Variants in PCDHGA12 observed in about 807,000 individuals in gnomAD.
PCDHGA12 encodes the protein protocadherin gamma-A12.
Under a neutral mutation model 61.1 loss-of-function variants are expected in PCDHGA12, and 43 were observed. That is an observed-to-expected ratio of 0.70 (90% confidence interval 0.55 to 0.91). The LOEUF is 0.91. Among genes scored for constraint, PCDHGA12 ranks in the 40% least tolerant of loss-of-function variants. PCDHGA12 has a pLI of 0.00. For synonymous variants in PCDHGA12, 520 were observed against 542.9 expected, an observed-to-expected ratio of 0.96 and a Z score of 0.59; for missense variants, 1,236 against 1,227.7, an observed-to-expected ratio of 1.01 and a Z score of -0.10.
Position 141,490,198 on chromosome 5 carries a change from G to A in PCDHGA12, c.2425-4609G>A. ...GGAGTCACGTTTCTATGAAATTCAT[G>A]CAAGAGCCCGTGACCAGGGACAGCC... On this transcript the variant is annotated intron_variant, in intron 1 of 3. Coordinates refer to ENST00000252085, the MANE Select transcript of PCDHGA12 (RefSeq NM_003735.3). The surrounding 1 kb of genome is among the most constrained non-coding windows in gnomAD (Gnocchi z 5.4). The A allele has an allele frequency of 6.2e-7, 1 of 1,614,208 alleles. No homozygotes were observed. Among genetic ancestry groups the A allele is most frequent in the Non-Finnish European group, 8.5e-7 (1 of 1,180,038 alleles).
At chr5:141,451,703 A>C (rs975120935) in intron 1 of PCDHGA12, among the ~76,000 whole-genome samples, 2 of 152,144 alleles carry the variant, frequency 1.3e-5, no homozygotes, top group Non-Finnish European at 2.9e-5. Context: ...GTAACATGAC[A>C]AAACCCTGCC....
chr5:141,478,911 T>TA, intron 1 of PCDHGA12: 1 of 871,162 alleles, frequency 1.1e-6, no homozygotes, highest in Non-Finnish European at 1.7e-6. Flanking sequence ...AGCTGCTGGA[T>TA]ACCTCTAACC....
intron 1 of PCDHGA12, among the ~76,000 whole-genome samples, chr5:141,459,575 G>T (rs2098970751): frequency 1.3e-5 from 2 of 152,132 alleles, no homozygotes; most frequent in Admixed American, 6.5e-5. Context: ...AAACAGAATT[G>T]TTTTGGGGGT....
intron 1 of PCDHGA12, chr5:141,492,005 C>A (rs1444993907): frequency 3.1e-6 from 2 of 642,268 alleles, no homozygotes; most frequent in African/African-American, 3.8e-5. Flanking sequence ...GGGCGATTTC[C>A]GCGGGTGTCG....
intron 1 of PCDHGA12, chr5:141,492,050 C>T (rs2099736541): frequency 4.0e-6 from 2 of 500,984 alleles, no homozygotes; most frequent in South Asian, 7.5e-5. Context: ...AGATCCACCC[C>T]TGCAGCCAGC....
chr5:141,486,722 G>C lies in PCDHGA12; in HGVS notation c.2425-8085G>C, dbSNP rs1235454839. The C allele has an allele frequency of 6.2e-7, 1 of 1,614,200 alleles. No homozygotes were observed. Among genetic ancestry groups the C allele is most frequent in the East Asian group, 2.2e-5 (1 of 44,874 alleles). ...CTCTCTGAACCCCCAGACAGGAGCT[G>C]TTCATGCTACTCGATCCTTTGACTA... On this transcript the variant is annotated intron_variant, in intron 1 of 3. Transcript: ENST00000252085. This position sits in a 1 kb window ranked among gnomAD's most constrained non-coding sequence, Gnocchi z 5.0.
rs756476818 is a variant in PCDHGA12 at position 141,431,027 on chromosome 5, A to G, written c.268A>G (p.Ile90Val). The G allele has an allele frequency of 6.2e-6, 10 of 1,614,034 alleles. No homozygotes were observed. The highest frequency in any genetic ancestry group is 1.1e-5 in the South Asian group (1 of 91,078). The change falls in exon 1 of 4, where the codon ATA (isoleucine) becomes GTA (valine). Residue 90 changes from isoleucine to valine, a missense_variant. By Grantham distance (29) the Ile-to-Val change is conservative. Coordinates refer to ENST00000252085, the MANE Select transcript of PCDHGA12 (RefSeq NM_003735.3). This position sits in a 1 kb window ranked among gnomAD's most constrained non-coding sequence, Gnocchi z 4.8. ...RSGSLVTAGRIDREELCMGAI... is the reference protein window; with the variant it reads ...RSGSLVTAGRVDREELCMGAI... ...CGGCAGCTTGGTCACGGCGGGCAGG[A>G]TAGACCGGGAGGAGCTCTGTATGGG...
At chr5:141,457,125 C>T (rs1011977795) in intron 1 of PCDHGA12, among the ~76,000 whole-genome samples, 3 of 152,236 alleles carry the variant, frequency 2.0e-5, no homozygotes, top group Admixed American at 6.5e-5. Flanking sequence ...GCAATGGAAA[C>T]TCTGTCCAAT....
chr5:141,500,182 A>ATTTT lies in PCDHGA12; in HGVS notation c.2484-5209_2484-5206dup, dbSNP rs1199992745. Among the ~76,000 whole-genome samples the ATTTT allele has an allele frequency of 1.7e-3, 223 of 131,716 alleles. 2 individuals are homozygous for ATTTT. Among genetic ancestry groups the ATTTT allele is most frequent in the African/African-American group, 6.2e-3 (201 of 32,350 alleles). The allele number at this position is 131,716 out of a possible 152,430, so 86.4% of individuals were successfully genotyped here. On this transcript the variant is annotated intron_variant, in intron 2 of 3. Transcript: ENST00000252085. ...AAGAACATGCATGAGCTTCATTTTT[A>ATTTT]TTTTTATTTATTTATTTATTTATTT...
rs1474849292 is a variant in PCDHGA12 at position 141,454,205 on chromosome 5, G to T, written c.2424+21022G>T. Among the ~76,000 whole-genome samples, 3 of 152,154 alleles carry T rather than the reference G, an allele frequency of 2.0e-5. No individual in the cohort carries two copies. The East Asian group carries it at 5.8e-4, about 29-fold the overall frequency. ...GGAGCTTAGTGAAGGTGAATTTATT[G>T]ACATGAATGAGAAAAGTAATTGTGA... On this transcript the variant is annotated intron_variant, in intron 1 of 3. Coordinates refer to ENST00000252085, the MANE Select transcript of PCDHGA12 (RefSeq NM_003735.3).
chr5:141,441,867 G>T, intron 1 of PCDHGA12: 1 of 345,800 alleles, frequency 2.9e-6, no homozygotes, highest in Non-Finnish European at 5.6e-6. Flanking sequence ...ACGCCGCGGA[G>T]CCTGGCTACC....
rs1188870363 is a variant in PCDHGA12 at position 141,490,058 on chromosome 5, C to T, written c.2425-4749C>T. ...AATGCCACTGATCCAGACGAGGGCA[C>T]CAACGGCCAACTAGACTATTCTTTT... On this transcript the variant is annotated intron_variant, in intron 1 of 3. Coordinates refer to ENST00000252085, the MANE Select transcript of PCDHGA12 (RefSeq NM_003735.3). The surrounding 1 kb of genome is among the most constrained non-coding windows in gnomAD (Gnocchi z 5.4). The T allele has an allele frequency of 6.2e-7, 1 of 1,614,230 alleles. No individual in the cohort carries two copies. Among genetic ancestry groups the T allele is most frequent in the South Asian group, 1.1e-5 (1 of 91,084 alleles).
intron 1 of PCDHGA12, chr5:141,478,664 C>T (rs2099470287): frequency 1.3e-6 from 2 of 1,551,788 alleles, no homozygotes; most frequent in Non-Finnish European, 1.7e-6. Context: ...GATGCATTCA[C>T]ACTTTCAACT....
In PCDHGA12 at chr5:141,511,070, G is replaced by A. The variant is rs1341623011; in HGVS notation, c.2696G>A (p.Gly899Asp). ...PDYRQNVYIP[G>D]SNATLTNAAG... ...TACCGCCAGAATGTCTACATCCCAG[G>A]CAGCAATGCCACACTGACCAACGCA... The change falls in exon 4 of 4, where the codon GGC (glycine) becomes GAC (aspartate). Residue 899 changes from glycine to aspartate, a missense_variant. Physicochemically the swap from Gly to Asp is moderately conservative, Grantham distance 94 (BLOSUM62 -1). Transcript: ENST00000252085. 2.5e-6 allele frequency: 4 copies of A among 1,614,218 alleles called. No homozygotes were observed. Among genetic ancestry groups the A allele is most frequent in the Admixed American group, 1.7e-5 (1 of 60,030 alleles).
At chr5:141,466,348 G>A (rs2099120992) in intron 1 of PCDHGA12, among the ~76,000 whole-genome samples, 2 of 151,876 alleles carry the variant, frequency 1.3e-5, no homozygotes, top group Admixed American at 6.6e-5. Context: ...TTTTTTTGCA[G>A]CTAATCTAGA....
chr5:141,444,589 C>A (rs1198742574), intron 1 of PCDHGA12, among the ~76,000 whole-genome samples: 1 of 152,068 alleles, frequency 6.6e-6, no homozygotes, highest in Non-Finnish European at 1.5e-5. Context: ...TTTCTACTTA[C>A]CTTATTTAAA....
chr5:141,452,844 C>T (rs1239022315), intron 1 of PCDHGA12, among the ~76,000 whole-genome samples: 1 of 152,204 alleles, frequency 6.6e-6, no homozygotes, highest in Non-Finnish European at 1.5e-5. Context: ...CCAGCCCACA[C>T]TCTGGGGAGA....
intron 1 of PCDHGA12, among the ~76,000 whole-genome samples, chr5:141,462,355 A>T (rs1592773702): frequency 6.6e-6 from 1 of 152,226 alleles, no homozygotes; most frequent in East Asian, 1.9e-4. Context: ...AAAAATATAC[A>T]TTGTATAGTT....
intron 1 of PCDHGA12, among the ~76,000 whole-genome samples, chr5:141,456,702 C>A (rs1185842343): frequency 6.6e-6 from 1 of 152,062 alleles, no homozygotes; most frequent in African/African-American, 2.4e-5. Flanking sequence ...TGGTGGCTCG[C>A]GCCTGTAATC....
Sources: allele counts gnomAD v4.1 joint callset (sites outside exome capture counted in the v4.1 genomes callset), GRCh38; gene constraint gnomAD v4.1.1; non-coding constraint Gnocchi (gnomAD v3.1); transcripts MANE v1.5; gene names NCBI Gene and HGNC (gene_info 2026-07-23, HGNC 2026-07-21).